Variants in FLNB observed in about 807,000 individuals in gnomAD.
The protein encoded by FLNB is filamin B.
FLNB carries 111 observed loss-of-function variants against 250.6 expected under a neutral mutation model. The ratio of observed to expected loss-of-function variants is 0.44; its 90% CI spans 0.38 to 0.52. The LOEUF is 0.52. FLNB is among the 20% of genes least tolerant of loss of function. FLNB has a pLI of 0.00. For missense variants in FLNB, 2,869 were observed against 3,447.8 expected (o/e 0.83, Z 4.20); for synonymous variants, 1,302 against 1,372.1 (o/e 0.95, Z 1.13).
chr3:58,108,503 A>G lies in FLNB; in HGVS notation c.1987A>G (p.Asn663Asp), dbSNP rs2097263380. 6.2e-7 allele frequency: 1 copy of G among 1,614,072 alleles called. No individual in the cohort carries two copies. Among genetic ancestry groups the G allele is most frequent in the African/African-American group, 1.3e-5 (1 of 74,944 alleles). Residue 663 changes from asparagine (N) to aspartate (D), a missense_variant, in exon 13 of 46, where the codon AAC (asparagine) becomes GAC (aspartate). Coordinates refer to ENST00000295956, the MANE Select transcript of FLNB (RefSeq NM_001457.4). ...TTTGGAGAAATCTGGATGCATTGTC[A>G]ACAACCTGGCCGAGTTCACTGTGGA... ...PGLEKSGCIV[N>D]NLAEFTVDPK... is the part of the protein sequence containing the mutation.
intron 9 of FLNB, among the ~76,000 whole-genome samples, chr3:58,102,766 A>C (rs1286310899): frequency 6.6e-6 from 1 of 152,238 alleles, no homozygotes; most frequent in Non-Finnish European, 1.5e-5. Context: ...GTTACATTTT[A>C]TAGAGTATGA....
At chr3:58,131,009 T>A in intron 25 of FLNB, 101 bp downstream of exon 25, 3 of 1,111,088 alleles carry the variant, frequency 2.7e-6, no homozygotes, top group Admixed American at 2.7e-5. Context: ...CTCATGAGCT[T>A]AAAATTAAAT....
intron 18 of FLNB, among the ~76,000 whole-genome samples, chr3:58,113,669 A>C (rs576836547): frequency 6.6e-6 from 1 of 152,050 alleles, no homozygotes; most frequent in Non-Finnish European, 1.5e-5. Flanking sequence ...TTCTTCCCCA[A>C]ATTTTTATTT....
rs2097338890 is a variant in FLNB at position 58,148,186 on chromosome 3, T to C, written c.5729-20T>C. The C allele has an allele frequency of 2.5e-6, 4 of 1,614,006 alleles. No individual in the cohort carries two copies. The highest frequency in any genetic ancestry group is 3.4e-6 in the Non-Finnish European group (4 of 1,179,912). Reference sequence around the variant, plus strand: ...GGTAACCACATGTAACGGGAGTCCTTTTTGGGGGATGTTTCCCAGATGACA... The same window carrying C: ...GGTAACCACATGTAACGGGAGTCCTCTTTGGGGGATGTTTCCCAGATGACA... On this transcript the variant is annotated intron_variant, in intron 34 of 45. Coordinates refer to ENST00000295956, the MANE Select transcript of FLNB (RefSeq NM_001457.4).
At position 58,124,408 on chromosome 3, in the gene FLNB, G is replaced by A. The variant is rs2097294212; in HGVS notation, c.3801G>A (p.Lys1267=). 1 of 1,614,220 alleles carries A rather than the reference G, an allele frequency of 6.2e-7. No individual in the cohort carries two copies. The highest frequency in any genetic ancestry group is 1.7e-5 in the Admixed American group (1 of 60,028). Residue 1267 remains lysine, a synonymous_variant, in exon 22 of 46, where the codon AAG becomes AAA. Coordinates refer to ENST00000295956, the MANE Select transcript of FLNB (RefSeq NM_001457.4). The stretch of plus-strand genomic sequence containing the variant: ...CCCAGGTTGGGGGTGACCACATCAA[G>A]GCCCACATTGCCAACCCCTCAGGGG... ...PLTQVGGDHI[K]AHIANPSGAS...
intron 16 of FLNB, 25 bp downstream of exon 16, chr3:58,110,195 A>T (rs1373480820): frequency 6.2e-7 from 1 of 1,613,522 alleles, no homozygotes; most frequent in Admixed American, 1.7e-5. Flanking sequence ...CTGGGAGGAG[A>T]TGGGTGGAGT....
chr3:58,149,532 G>A (rs772465325), intron 36 of FLNB: 2 of 429,858 alleles, frequency 4.7e-6, no homozygotes, highest in Non-Finnish European at 8.7e-6. Flanking sequence ...GGTACGTGCA[G>A]TACTTGGAGG....
intron 28 of FLNB, 66 bp from the exon 29 acceptor site, chr3:58,138,216 A>G: frequency 2.5e-6 from 4 of 1,607,642 alleles, no homozygotes; most frequent in Non-Finnish European, 3.4e-6. Context: ...GATGGGTATG[A>G]TTTGTTCTTG....
chr3:58,169,835 C>CTGGGGT lies in FLNB; in HGVS notation c.7621+42_7621+43insTGGGGT. On this transcript the variant is annotated intron_variant, in intron 45 of 45. Transcript: ENST00000295956. The surrounding 1 kb of genome is among the most constrained non-coding windows in gnomAD (Gnocchi z 4.8). ...TTTCAAGGGTGGGGTGGGGCAGGGG[C>CTGGGGT]AGGCTGGGCACCCTGGGTACACTGG... The CTGGGGT allele has an allele frequency of 1.4e-6, 2 of 1,440,138 alleles. No homozygotes were observed. The highest frequency in any genetic ancestry group is 2.4e-4 in the Middle Eastern group (1 of 4,176). The allele number at this position is 1,440,138 out of a possible 1,614,324, so 89.2% of individuals were successfully genotyped here.
At chr3:58,092,097 A>G (rs1354648356) in intron 4 of FLNB, among the ~76,000 whole-genome samples, 1 of 152,220 alleles carries the variant, frequency 6.6e-6, no homozygotes, top group Non-Finnish European at 1.5e-5. Context: ...AAAGACATAA[A>G]CAGTTTCTGC....
In FLNB at chr3:58,142,800, G is replaced by C; in HGVS notation, c.5284+48G>C. 1 of 1,530,538 alleles carries C rather than the reference G, an allele frequency of 6.5e-7. No homozygotes were observed. Among genetic ancestry groups the C allele is most frequent in the South Asian group, 1.1e-5 (1 of 89,254 alleles). 94.8% of individuals were successfully genotyped at this position (1,530,538 alleles called of 1,614,324 possible). ...GTCTCATTCTCACTTGCTCTCACGA[G>C]CTTCCCAGAATGGTGCTGGGGAGGT... On this transcript the variant is annotated intron_variant, in intron 31 of 45. Coordinates refer to ENST00000295956, the MANE Select transcript of FLNB (RefSeq NM_001457.4). The surrounding 1 kb of genome is among the most constrained non-coding windows in gnomAD (Gnocchi z 4.3).
intron 40 of FLNB, among the ~76,000 whole-genome samples, chr3:58,155,710 T>A (rs1426496472): frequency 6.6e-6 from 1 of 152,166 alleles, no homozygotes; most frequent in Admixed American, 6.5e-5. Context: ...CCCATTGAAG[T>A]CCATGGATCT....
chr3:58,106,531 C>T, intron 11 of FLNB, 149 bp from the exon 12 acceptor site: 2 of 705,238 alleles, frequency 2.8e-6, no homozygotes, highest in South Asian at 3.3e-5. Context: ...ACTTAATGAG[C>T]TTGGTTTTGG....
Position 58,154,904 on chromosome 3 carries a change from G to T in FLNB, c.6748G>T (p.Val2250Leu). Residue 2250 changes from valine (V) to leucine (L), a missense_variant, in exon 40 of 46, where the codon GTA (valine) becomes TTA (leucine). Around this residue, in one of 5 missense-constraint regions of FLNB, gnomAD observed 1,084 missense variants for 1,315.5 expected, o/e 0.82. Transcript: ENST00000295956. ...TGACCATAAAAATGGGTCGTGCGGT[G>T]TATCTTATATTGCCCAAGAGCCTGG... ...FDDHKNGSCG[V>L]SYIAQEPGNY... The T allele has an allele frequency of 6.2e-7, 1 of 1,614,120 alleles. No homozygotes were observed. Among genetic ancestry groups the T allele is most frequent in the Non-Finnish European group, 8.5e-7 (1 of 1,179,986 alleles).
chr3:58,054,891 T>C (rs1345516263), intron 1 of FLNB, among the ~76,000 whole-genome samples: 2 of 152,240 alleles, frequency 1.3e-5, no homozygotes, highest in African/African-American at 4.8e-5. Context: ...CATTTATTTA[T>C]GTACTGTCTA....
intron 1 of FLNB, among the ~76,000 whole-genome samples, chr3:58,029,079 CTCTTAAAATAA>C (rs1233211499): frequency 1.4e-5 from 2 of 142,268 alleles, no homozygotes; most frequent in African/African-American, 4.9e-5. Context: ...GAGACCTTGT[CTCTTAAAATAA>C]ATTTGTGTCA....
rs202028341 is a variant in FLNB at position 58,153,505 on chromosome 3, G to A, written c.6498G>A (p.Thr2166=). Residue 2166 remains threonine, a synonymous_variant, in exon 39 of 46, where the codon ACG becomes ACA. Coordinates refer to ENST00000295956, the MANE Select transcript of FLNB (RefSeq NM_001457.4). The part of the protein sequence containing the change: ...RFVPQEMGVH[T]VSVKYRGQHV... ...TGCCCCAGGAGATGGGCGTGCACAC[G>A]GTCAGCGTCAAGTACCGTGGGCAGC... 21 of 1,614,084 alleles carry A rather than the reference G, an allele frequency of 1.3e-5. No homozygotes were observed. In the East Asian group the frequency reaches 1.8e-4, roughly 14 times the overall value.
In FLNB at chr3:58,024,701, C is replaced by CTTTTTTTTTTTTTTTTTTT. The variant is rs1174805764; in HGVS notation, c.292+15854_292+15872dup. On this transcript the variant is annotated intron_variant, in intron 1 of 45. Transcript: ENST00000295956. ...ATTTCTGGTCTTCTGGCCAAGCCTC[C>CTTTTTTTTTTTTTTTTTTT]TTTTTTTTTTTTTTTTTTTTTTTTT... Among the ~76,000 whole-genome samples the CTTTTTTTTTTTTTTTTTTT allele has an allele frequency of 9.5e-5, 8 of 83,770 alleles. 2 individuals are homozygous for CTTTTTTTTTTTTTTTTTTT. Among genetic ancestry groups the CTTTTTTTTTTTTTTTTTTT allele is most frequent in the Non-Finnish European group, 9.4e-5 (4 of 42,596 alleles). The allele number at this position is 83,770 out of a possible 152,430, so 55.0% of individuals were successfully genotyped here. A position where few individuals can be genotyped will look rare whatever the true frequency, so the allele number is the denominator to read the frequency against.
intron 44 of FLNB, 176 bp downstream of exon 44, chr3:58,168,834 A>G: frequency 3.0e-6 from 2 of 664,678 alleles, no homozygotes; most frequent in South Asian, 3.2e-5. Flanking sequence ...AAAAGTCCAC[A>G]GAGTGGAGCC....
Sources: gnomAD v4.1 joint callset for allele counts (sites outside exome capture counted in the v4.1 genomes callset) on GRCh38, gnomAD v4.1.1 for gene constraint, gnomAD v4.1.1 regional missense constraint, Gnocchi (gnomAD v3.1) non-coding constraint, MANE v1.5 for transcripts, NCBI Gene and HGNC (gene_info 2026-07-23, HGNC 2026-07-21) for gene names.